The following MAGI2 variants were observed in gnomAD, a reference collection of about 807,000 sequenced individuals.
MAGI2 encodes membrane-associated guanylate kinase, WW and PDZ domain-containing protein 2.
MAGI2 carries 35 observed loss-of-function variants against 133.3 expected under a neutral mutation model. The observed-to-expected ratio is 0.26, with a 90% CI of 0.20 to 0.35. The LOEUF (loss-of-function observed/expected upper bound fraction) is 0.35. MAGI2 is among the 10% of genes least tolerant of loss of function. The probability of loss-of-function intolerance (pLI) is 1.00; values close to 1 mark genes in which losing one functional copy is unlikely to be tolerated. For synonymous variants in MAGI2, 729 were observed against 710.6 expected (o/e 1.03, Z -0.41); for missense variants, 1,636 against 1,863.4 (o/e 0.88, Z 2.25).
intron 7 of MAGI2, among the ~76,000 whole-genome samples, chr7:78,361,789 C>T (rs935960630): frequency 1.3e-5 from 2 of 152,086 alleles, no homozygotes; most frequent in African/African-American, 4.8e-5. Flanking sequence ...AAGTTTTCAT[C>T]CCTTCAGTTT....
intron 1 of MAGI2, among the ~76,000 whole-genome samples, chr7:79,263,262 T>C (rs537167978): frequency 5.9e-5 from 9 of 152,164 alleles, no homozygotes; most frequent in Non-Finnish European, 1.3e-4. Context: ...ATGCTTCACG[T>C]TTATTTTATC....
chr7:78,851,548 CTG>C (rs1446363372), intron 2 of MAGI2, among the ~76,000 whole-genome samples: 2 of 152,274 alleles, frequency 1.3e-5, no homozygotes, highest in South Asian at 2.1e-4. Context: ...TCTCACCCCT[CTG>C]TGGTCATCCC....
chr7:79,390,472 T>C (rs761956351), intron 1 of MAGI2, among the ~76,000 whole-genome samples: 9 of 152,318 alleles, frequency 5.9e-5, no homozygotes, highest in Non-Finnish European at 1.0e-4. Context: ...AGCAATCCTA[T>C]TTTATTTAGA....
rs181961352 is a variant in MAGI2 at position 78,812,884 on chromosome 7, A to G, written c.419-185645T>C. On this transcript the variant is annotated intron_variant, in intron 2 of 21. Coordinates refer to ENST00000354212, the MANE Select transcript of MAGI2 (RefSeq NM_012301.4). ...AGAGAAAATGTGTAACAGTTATCCAACCTGACCATTTCATGACTTCCAGCA... is the reference window on the plus strand; with the variant it reads ...AGAGAAAATGTGTAACAGTTATCCAGCCTGACCATTTCATGACTTCCAGCA... Among the ~76,000 whole-genome samples the G allele has an allele frequency of 9.8e-4, 150 of 152,292 alleles. 2 individuals carry two copies. Among genetic ancestry groups the G allele is most frequent in the African/African-American group, 3.5e-3 (145 of 41,572 alleles).
intron 2 of MAGI2, among the ~76,000 whole-genome samples, chr7:78,891,394 CT>C (rs1796735162): frequency 6.6e-6 from 1 of 152,146 alleles, no homozygotes; most frequent in African/African-American, 2.4e-5. Context: ...CAGCATCATC[CT>C]GATACCAAAG....
chr7:79,224,929 T>C (rs1415132737), intron 1 of MAGI2, among the ~76,000 whole-genome samples: 1 of 152,238 alleles, frequency 6.6e-6, no homozygotes, highest in Non-Finnish European at 1.5e-5. Flanking sequence ...TTCAAAGAAC[T>C]GAACACCACA....
chr7:78,488,479 C>T (rs1793277256), intron 6 of MAGI2, among the ~76,000 whole-genome samples: 1 of 151,922 alleles, frequency 6.6e-6, no homozygotes, highest in South Asian at 2.1e-4. Context: ...ACAACTGTGG[C>T]ATAAGTAAAT....
chr7:78,120,095 C>T (rs1820283342), intron 20 of MAGI2, among the ~76,000 whole-genome samples: 1 of 152,132 alleles, frequency 6.6e-6, no homozygotes, highest in Admixed American at 6.5e-5. Flanking sequence ...AAAATTCTAA[C>T]AGGATTTTTT....
intron 2 of MAGI2, among the ~76,000 whole-genome samples, chr7:78,713,145 T>C (rs1819365688): frequency 6.6e-6 from 1 of 152,202 alleles, no homozygotes; most frequent in East Asian, 1.9e-4. Flanking sequence ...AAACGTGAAA[T>C]GTGTTCAGTG....
chr7:79,322,045 C>A (rs930224387), intron 1 of MAGI2, among the ~76,000 whole-genome samples: 1 of 151,960 alleles, frequency 6.6e-6, no homozygotes, highest in African/African-American at 2.4e-5. Context: ...CCTAGAGTAC[C>A]TATTTTAGTT....
At chr7:79,348,620 T>A (rs1841480506) in intron 1 of MAGI2, among the ~76,000 whole-genome samples, 1 of 151,906 alleles carries the variant, frequency 6.6e-6, no homozygotes, top group African/African-American at 2.4e-5. Flanking sequence ...CTAGAAACTA[T>A]TTTTATCTAA....
chr7:78,654,703 GTA>G (rs57776940), intron 2 of MAGI2, among the ~76,000 whole-genome samples: 1,591 of 117,832 alleles, frequency 0.014, 14 homozygotes, highest in African/African-American at 0.022. Context: ...TTACATATAT[GTA>G]TATATATATA....
chr7:78,239,734 A>G (rs1033458708), intron 10 of MAGI2, among the ~76,000 whole-genome samples: 1 of 152,238 alleles, frequency 6.6e-6, no homozygotes, highest in Non-Finnish European at 1.5e-5. Context: ...TAGAATAGTT[A>G]TTAGGAAAAA....
chr7:78,772,761 G>A (rs1057324652), intron 2 of MAGI2, among the ~76,000 whole-genome samples: 1 of 152,082 alleles, frequency 6.6e-6, no homozygotes, highest in African/African-American at 2.4e-5. Flanking sequence ...GCTTCAGTTT[G>A]TGCTACAAAA....
chr7:78,379,122 C>G (rs1435308303), intron 6 of MAGI2, among the ~76,000 whole-genome samples: 1 of 151,720 alleles, frequency 6.6e-6, no homozygotes, highest in African/African-American at 2.4e-5. Context: ...TAAAAACCAT[C>G]CTAAATACAG....
At chr7:79,323,716 G>A (rs1405829565) in intron 1 of MAGI2, among the ~76,000 whole-genome samples, 1 of 152,204 alleles carries the variant, frequency 6.6e-6, no homozygotes, top group Non-Finnish European at 1.5e-5. Flanking sequence ...GGGGTTAGAA[G>A]TGGGTAAGAT....
In MAGI2 at chr7:78,052,280, C is replaced by T. The variant is rs537075782; in HGVS notation, c.3706+26667G>A. 3.9e-5 allele frequency among the ~76,000 whole-genome samples: 6 copies of T among 152,246 alleles called. No individual in the cohort carries two copies. In the South Asian group the frequency reaches 6.2e-4, roughly 16 times the overall value. ...TGGCTCGCTCTGAATGGCCTGCTGC[C>T]GTCCTCATGGGACTGAGTTCTCCTT... On this transcript the variant is annotated intron_variant, in intron 21 of 21. Coordinates refer to ENST00000354212, the MANE Select transcript of MAGI2 (RefSeq NM_012301.4).
intron 6 of MAGI2, among the ~76,000 whole-genome samples, chr7:78,400,508 A>T (rs1353235319): frequency 1.3e-5 from 2 of 152,208 alleles, no homozygotes; most frequent in Non-Finnish European, 2.9e-5. Context: ...AGTGAAATTT[A>T]AAAAATGTAT....
intron 3 of MAGI2, among the ~76,000 whole-genome samples, chr7:78,608,595 T>G (rs551259295): frequency 3.3e-5 from 5 of 152,176 alleles, no homozygotes; most frequent in East Asian, 3.9e-4. Flanking sequence ...TCATTATTAT[T>G]CATGCTGTTG....
Sources: gnomAD v4.1 joint callset for allele counts (sites outside exome capture counted in the v4.1 genomes callset) on GRCh38, gnomAD v4.1.1 for gene constraint, MANE v1.5 for transcripts, NCBI Gene and HGNC (gene_info 2026-07-23, HGNC 2026-07-21) for gene names.